The following ST7L variants were observed in gnomAD, a reference collection of about 807,000 sequenced individuals.
ST7L encodes suppressor of tumorigenicity 7 protein-like.
In ST7L, 57 loss-of-function variants were observed where a neutral mutation model predicts 72.5. The observed-to-expected ratio is 0.79, with a 90% CI of 0.64 to 0.98. The LOEUF (loss-of-function observed/expected upper bound fraction) is 0.98. Among genes scored for constraint, ST7L ranks in the 50% least tolerant of loss-of-function variants. The pLI is 0.00. For synonymous variants in ST7L, 221 were observed against 240.9 expected (o/e 0.92, Z 0.77); for missense variants, 576 against 672.2 (o/e 0.86, Z 1.58).
chr1:112,617,717 TCACACACA>T (rs56216561), intron 1 of ST7L, among the ~76,000 whole-genome samples: 104 of 126,484 alleles, frequency 8.2e-4, no homozygotes, highest in Middle Eastern at 4.0e-3. Context: ...TTTCTCTCTC[TCACACACA>T]CACACACACA....
At chr1:112,520,544 G>A, downstream of ST7L, 1 of 1,602,936 alleles carries the variant, frequency 6.2e-7, no homozygotes, top group Non-Finnish European at 8.5e-7. Flanking sequence ...TCCAATTCAA[G>A]CCTCTCAACT....
chr1:112,530,163 G>A lies in ST7L; in HGVS notation c.1630-4052C>T, dbSNP rs577288312. The A allele has an allele frequency of 3.9e-5, 6 of 152,258 alleles. No homozygotes were observed. The East Asian group carries it at 9.6e-4, about 24-fold the overall frequency. The allele number at this position is 152,258 out of a possible 1,614,324, so 9.4% of individuals were successfully genotyped here. A position where few individuals can be genotyped will look rare whatever the true frequency, so the allele number is the denominator to read the frequency against. ...TACCAATAAAGTAAATTCCAAAGCC[G>A]AATCCCCAGTTTTCTGCCTCCAAGT... On this transcript the variant is annotated intron_variant, in intron 14 of 14. Coordinates refer to ENST00000358039, the MANE Select transcript of ST7L (RefSeq NM_017744.5).
In ST7L at chr1:112,600,007, C is replaced by A. The variant is rs183065557; in HGVS notation, c.506+787G>T. Among the ~76,000 whole-genome samples the A allele has an allele frequency of 1.4e-3, 208 of 152,224 alleles. 2 individuals carry two copies. Among genetic ancestry groups the A allele is most frequent in the Non-Finnish European group, 2.2e-3 (150 of 68,014 alleles). On this transcript the variant is annotated intron_variant, in intron 4 of 14. Coordinates refer to ENST00000358039, the MANE Select transcript of ST7L (RefSeq NM_017744.5). ...ATTACTTGGGCCCAGAAGTTTGGGACCAACCTTGGCAACATAGCAAGACCC... is the reference window on the plus strand; with the variant it reads ...ATTACTTGGGCCCAGAAGTTTGGGAACAACCTTGGCAACATAGCAAGACCC...
At chr1:112,520,598 A>C, downstream of ST7L, 2 of 1,317,692 alleles carry the variant, frequency 1.5e-6, no homozygotes, top group Non-Finnish European at 2.1e-6. Context: ...TCCACCCTCC[A>C]CCCTGGGCTG....
At position 112,610,966 on chromosome 1, in the gene ST7L, G is replaced by T; in HGVS notation, c.326C>A (p.Ser109Tyr). The T allele has an allele frequency of 6.2e-7, 1 of 1,614,140 alleles. No homozygotes were observed. The highest frequency in any genetic ancestry group is 8.5e-7 in the Non-Finnish European group (1 of 1,180,028). The change falls in exon 3 of 15, where the codon TCT becomes TAT. Residue 109 changes from serine (S) to tyrosine (Y), a missense_variant. By Grantham distance (144) the Ser-to-Tyr change is moderately radical (BLOSUM62 -2). Transcript: ENST00000358039. The stretch of plus-strand genomic sequence containing the variant: ...GCTTACAGATACTTGCTCAATAAAA[G>T]ATGTGCCATGCTTATGGAAGTACCA... ...EWWYFHKHGT[S>Y]FIEQVSVSHL...
chr1:112,578,092 A>G (rs758697055), intron 10 of ST7L, among the ~76,000 whole-genome samples: 3 of 152,218 alleles, frequency 2.0e-5, no homozygotes, highest in Admixed American at 6.5e-5. Flanking sequence ...CAGATGAAGG[A>G]GAGACTCAAA....
At chr1:112,589,606 G>A (rs1558027087) in intron 6 of ST7L, among the ~76,000 whole-genome samples, 1 of 152,192 alleles carries the variant, frequency 6.6e-6, no homozygotes, top group Admixed American at 6.5e-5. Context: ...TCTGTCATGT[G>A]TGACCAGTGA....
chr1:112,599,074 ATATATATATATATATATAT>A lies in ST7L; in HGVS notation c.507-1007_507-989del, dbSNP rs1316518365. ...GACTCAGCCTCAAAAAAAAAAAAAA[ATATATATATATATATATAT>A]ATATATATATATATATATGTGGATG... is the stretch of plus-strand genomic sequence containing the variant. On this transcript the variant is annotated intron_variant, in intron 4 of 14. Transcript: ENST00000358039. 1.7e-3 allele frequency among the ~76,000 whole-genome samples: 69 copies of A among 40,278 alleles called. 7 individuals carry two copies. The highest frequency in any genetic ancestry group is 4.7e-3 in the African/African-American group (61 of 13,040). The allele number at this position is 40,278 out of a possible 152,430, so 26.4% of individuals were successfully genotyped here.
At chr1:112,552,449 G>C (rs561762778) in intron 12 of ST7L, among the ~76,000 whole-genome samples, 55 of 152,208 alleles carry the variant, frequency 3.6e-4, no homozygotes, top group African/African-American at 1.2e-3. Context: ...TTGTTGCCCA[G>C]GCTGGAGTAC....
intron 5 of ST7L, 102 bp downstream of exon 5, chr1:112,597,869 A>C: frequency 8.0e-6 from 6 of 746,670 alleles, no homozygotes; most frequent in Non-Finnish European, 1.2e-5. Context: ...ACTCCAAGCC[A>C]AATAACTAAA....
intron 2 of ST7L, among the ~76,000 whole-genome samples, chr1:112,616,041 T>A (rs776200384): frequency 6.6e-6 from 1 of 152,138 alleles, no homozygotes; most frequent in Non-Finnish European, 1.5e-5. Context: ...CCGGCCTGTC[T>A]GGGTTCTCTT....
chr1:112,593,049 C>T (rs945807859), intron 5 of ST7L, among the ~76,000 whole-genome samples: 3 of 152,096 alleles, frequency 2.0e-5, no homozygotes, highest in African/African-American at 7.2e-5. Flanking sequence ...TCAGTCTTTG[C>T]TAATTTAACA....
At chr1:112,561,832 T>C (rs1660204521) in intron 11 of ST7L, among the ~76,000 whole-genome samples, 1 of 152,066 alleles carries the variant, frequency 6.6e-6, no homozygotes, top group African/African-American at 2.4e-5. Context: ...TATTTCATAA[T>C]ATAGTAAATA....
At chr1:112,569,760 C>T (rs1313097399) in intron 11 of ST7L, among the ~76,000 whole-genome samples, 4 of 152,062 alleles carry the variant, frequency 2.6e-5, no homozygotes, top group African/African-American at 9.7e-5. Context: ...AGATCAAGAC[C>T]ACCCTGGCTA....
intron 6 of ST7L, among the ~76,000 whole-genome samples, chr1:112,589,615 G>A (rs1665386344): frequency 6.6e-6 from 1 of 152,216 alleles, no homozygotes; most frequent in Non-Finnish European, 1.5e-5. Context: ...TGTGACCAGT[G>A]ATGTGTGTGC....
In ST7L at chr1:112,597,964, T is replaced by C; in HGVS notation, c.622+7A>G. On this transcript the variant is annotated splice_region_variant and intron_variant, in intron 5 of 14. Coordinates refer to ENST00000358039, the MANE Select transcript of ST7L (RefSeq NM_017744.5). ...CTGTTTATACTATGAACAGATATGA[T>C]ACATACCTGTGTCTGAAGGACGTAA... 6.3e-7 allele frequency: 1 copy of C among 1,596,294 alleles called. No individual in the cohort carries two copies. Among genetic ancestry groups the C allele is most frequent in the East Asian group, 2.2e-5 (1 of 44,736 alleles).
Position 112,576,097 on chromosome 1 carries a change from AT to A in ST7L, c.1245+888del, listed in dbSNP as rs971236538. ...ATGGGGCATTGTTTGTAGAACCCCA[AT>A]TTTTTTTTTGAGATGGGGTTTCACT... On this transcript the variant is annotated intron_variant, in intron 11 of 14. Coordinates refer to ENST00000358039, the MANE Select transcript of ST7L (RefSeq NM_017744.5). Among the ~76,000 whole-genome samples the A allele has an allele frequency of 2.9e-4, 44 of 149,460 alleles. No homozygotes were observed. In the East Asian group the frequency reaches 4.3e-3, roughly 15 times the overall value.
At chr1:112,580,327 A>AC (rs1184753499) in intron 9 of ST7L, among the ~76,000 whole-genome samples, 1 of 151,964 alleles carries the variant, frequency 6.6e-6, no homozygotes, top group East Asian at 1.9e-4. Flanking sequence ...TTTTTAAAAT[A>AC]TTTTTTTTAG....
chr1:112,585,732 C>CAAA (rs34816760), intron 6 of ST7L, among the ~76,000 whole-genome samples: 2 of 106,462 alleles, frequency 1.9e-5, no homozygotes, highest in Non-Finnish European at 3.8e-5. Flanking sequence ...GACTCCGTCT[C>CAAA]AAAAAAAAAA....
Sources: gnomAD v4.1 joint callset for allele counts (sites outside exome capture counted in the v4.1 genomes callset) on GRCh38, gnomAD v4.1.1 for gene constraint, MANE v1.5 for transcripts, NCBI Gene and HGNC (gene_info 2026-07-23, HGNC 2026-07-21) for gene names.